Variants in TARS3 observed in about 807,000 individuals in gnomAD.
TARS3 encodes the protein threonyl-tRNA synthetase 3, also known as threonine--tRNA ligase 2, cytoplasmic.
A neutral mutation model predicts 103.5 loss-of-function variants in TARS3; 94 were observed. The ratio of observed to expected loss-of-function variants is 0.91; its 90% confidence interval spans 0.77 to 1.08. The LOEUF (loss-of-function observed/expected upper bound fraction) is 1.08, where lower values mean the gene tolerates loss of function less well. Ranked by LOEUF, TARS3 falls within the 50% of genes least tolerant of loss-of-function variation. The probability of loss-of-function intolerance (pLI) is 0.00; values close to 1 mark genes in which losing one functional copy is unlikely to be tolerated. For missense variants in TARS3, 952 were observed against 995.2 expected (o/e 0.96, Z 0.58); for synonymous variants, 416 against 355.4 (o/e 1.17, Z -1.92).
chr15:101,686,976 A>T (rs931884909), intron 10 of TARS3, among the ~76,000 whole-genome samples: 1 of 152,080 alleles, frequency 6.6e-6, no homozygotes, highest in South Asian at 2.1e-4. Context: ...GATTACTAAC[A>T]ATGGTTTTAT....
intron 7 of TARS3, among the ~76,000 whole-genome samples, chr15:101,704,401 TC>T (rs1899436965): frequency 6.6e-6 from 1 of 152,158 alleles, no homozygotes; most frequent in Admixed American, 6.5e-5. Flanking sequence ...ACACCTGTAA[TC>T]CCAGCACTTT....
Position 101,698,559 on chromosome 15 carries a change from T to G in TARS3, c.1320+2527A>C, listed in dbSNP as rs115153432. ...GAATTTCTACAGATGGTGACTACCA[T>G]GTGCCTCCTACTCTACCCCACTCCT... On this transcript the variant is annotated intron_variant, in intron 10 of 18. Coordinates refer to ENST00000335968, the MANE Select transcript of TARS3 (RefSeq NM_152334.3). Among the ~76,000 whole-genome samples the G allele has an allele frequency of 1.6e-3, 241 of 152,272 alleles. 1 individual carries two copies. The highest frequency in any genetic ancestry group is 5.3e-3 in the African/African-American group (222 of 41,560).
At chr15:101,701,003 G>A (rs561375012) in intron 10 of TARS3, 83 bp downstream of exon 10, 19 of 906,620 alleles carry the variant, frequency 2.1e-5, no homozygotes, top group African/African-American at 1.9e-4. Context: ...TAATGGAAAC[G>A]CTTGACCACT....
At chr15:101,705,094 C>T (rs965803803) in intron 7 of TARS3, among the ~76,000 whole-genome samples, 27 of 152,074 alleles carry the variant, frequency 1.8e-4, no homozygotes, top group African/African-American at 3.6e-4. Flanking sequence ...ACATATAAGG[C>T]GTATACACAC....
intron 16 of TARS3, among the ~76,000 whole-genome samples, chr15:101,660,193 T>C (rs553892804): frequency 1.3e-5 from 2 of 152,314 alleles, no homozygotes; most frequent in East Asian, 3.9e-4. Flanking sequence ...CCGGCAATAG[T>C]AGCAGTGGGG....
chr15:101,654,302 GT>G lies in TARS3; in HGVS notation c.*279del, dbSNP rs763312015. ...TAACATTTCATAATCATTTCCTAGT[GT>G]TTTGTTTCACTTTCTCGATGAATAA... On this transcript the variant is annotated 3_prime_UTR_variant, in exon 19 of 19. Coordinates refer to ENST00000335968, the MANE Select transcript of TARS3 (RefSeq NM_152334.3). 6.3e-6 allele frequency: 2 copies of G among 318,086 alleles called. No individual in the cohort carries two copies. Among genetic ancestry groups the G allele is most frequent in the Non-Finnish European group, 1.1e-5 (2 of 177,742 alleles). 19.7% of individuals were successfully genotyped at this position (318,086 alleles called of 1,614,324 possible). A position where few individuals can be genotyped will look rare whatever the true frequency, so the allele number is the denominator to read the frequency against.
chr15:101,699,824 G>C (rs978056909), intron 10 of TARS3, among the ~76,000 whole-genome samples: 1 of 152,118 alleles, frequency 6.6e-6, no homozygotes, highest in African/African-American at 2.4e-5. Context: ...CACATGCCAT[G>C]GATTGTCTTC....
At chr15:101,676,930 A>G (rs1306932659) in intron 12 of TARS3, among the ~76,000 whole-genome samples, 2 of 151,704 alleles carry the variant, frequency 1.3e-5, no homozygotes, top group Middle Eastern at 3.2e-3. Flanking sequence ...CCCAGAATGC[A>G]TTAGCTATTT....
chr15:101,723,850 T>A (rs866339204), intron 1 of TARS3, among the ~76,000 whole-genome samples: 1 of 152,260 alleles, frequency 6.6e-6, no homozygotes, highest in South Asian at 2.1e-4. Context: ...TGGCAGGCTC[T>A]TTAATGGACG....
At chr15:101,687,141 G>A (rs1343049386) in intron 10 of TARS3, among the ~76,000 whole-genome samples, 2 of 151,974 alleles carry the variant, frequency 1.3e-5, no homozygotes, top group Non-Finnish European at 2.9e-5. Flanking sequence ...GGTGGCTCAC[G>A]CCTGTAATCC....
At chr15:101,704,241 C>T (rs1302752731) in intron 7 of TARS3, among the ~76,000 whole-genome samples, 1 of 152,168 alleles carries the variant, frequency 6.6e-6, no homozygotes, top group African/African-American at 2.4e-5. Context: ...AAAATGTCAT[C>T]TCTCTCAATG....
intron 3 of TARS3, 78 bp from the exon 4 acceptor site, chr15:101,715,041 G>A: frequency 5.7e-6 from 8 of 1,397,220 alleles, no homozygotes; most frequent in South Asian, 3.5e-5. Context: ...AGAATTTCTA[G>A]GGTTTTTTTT....
chr15:101,722,720 G>GAGGC lies in TARS3; in HGVS notation c.369+369_369+372dup, dbSNP rs1900546224. Among the ~76,000 whole-genome samples the GAGGC allele has an allele frequency of 4.0e-5, 6 of 149,856 alleles. No individual in the cohort carries two copies. In the Admixed American group the frequency reaches 4.0e-4, roughly 10 times the overall value. On this transcript the variant is annotated intron_variant, in intron 2 of 18. Transcript: ENST00000335968. ...TGTAGTCCCAGCTACTCAGGAGGCT[G>GAGGC]AGGCAGGAGAATCGCTTGAACCTGG... is the stretch of plus-strand genomic sequence containing the variant.
intron 2 of TARS3, 140 bp from the exon 3 acceptor site, chr15:101,721,462 TTTTGTTGTTGTTGTTGTTTTTTGG>T (rs1323084810): frequency 1.6e-6 from 1 of 618,510 alleles, no homozygotes; most frequent in Admixed American, 3.0e-5. Context: ...TGAATTACGA[TTTTGTTGTTGTTGTTGTTTTTTGG>T]TTTGTTGTTG....
chr15:101,677,976 T>G (rs145019087), intron 12 of TARS3, among the ~76,000 whole-genome samples: 1,515 of 147,884 alleles, frequency 0.01, 22 homozygotes, highest in East Asian at 0.039. Flanking sequence ...TCTTTTTTTT[T>G]GGGGGTCATT....
Position 101,723,145 on chromosome 15 carries a change from T to C in TARS3, c.317A>G (p.Gln106Arg). The C allele has an allele frequency of 6.2e-7, 1 of 1,614,138 alleles. No homozygotes were observed. The highest frequency in any genetic ancestry group is 8.5e-7 in the Non-Finnish European group (1 of 1,179,972). Reference protein sequence around the residue: ...AGAQPPPSQSQDKDMKKKKMK... With the variant: ...AGAQPPPSQSRDKDMKKKKMK... The stretch of plus-strand genomic sequence containing the variant: ...TTTCTTCTTTTTCATGTCCTTGTCT[T>C]GGCTTTGACTAGGAGGAGGCTGAAA... The change falls in exon 2 of 19, where the codon CAA (glutamine) becomes CGA (arginine). Residue 106 changes from glutamine (Q) to arginine (R), a missense_variant. Transcript: ENST00000335968.
At chr15:101,655,198 C>G (rs111401608) in intron 18 of TARS3, among the ~76,000 whole-genome samples, 2 of 133,194 alleles carry the variant, frequency 1.5e-5, no homozygotes, top group South Asian at 2.5e-4. Context: ...CAAATGAGAG[C>G]GGGGAGCTCT....
intron 5 of TARS3, among the ~76,000 whole-genome samples, chr15:101,710,802 A>G (rs1899825404): frequency 6.6e-6 from 1 of 152,146 alleles, no homozygotes; most frequent in Non-Finnish European, 1.5e-5. Flanking sequence ...GGCTAACTTA[A>G]GGCAGAAACA....
At chr15:101,703,616 T>C (rs1390300500) in intron 8 of TARS3, among the ~76,000 whole-genome samples, 2 of 151,684 alleles carry the variant, frequency 1.3e-5, no homozygotes, top group East Asian at 3.9e-4. Context: ...AAATAAAATA[T>C]CGTATGAAAA....
Sources: gnomAD v4.1 joint callset for allele counts (sites outside exome capture counted in the v4.1 genomes callset) on GRCh38, gnomAD v4.1.1 for gene constraint, MANE v1.5 for transcripts, NCBI Gene and HGNC (gene_info 2026-07-23, HGNC 2026-07-21) for gene names.